The following NPAS3 variants were observed in gnomAD, a reference collection of about 807,000 sequenced individuals.
NPAS3 encodes the protein neuronal PAS domain-containing protein 3.
NPAS3 carries 14 observed loss-of-function variants against 73.1 expected under a neutral mutation model. The observed-to-expected ratio is 0.19, with a 90% CI of 0.13 to 0.30. NPAS3 has a LOEUF of 0.30. Ranked by LOEUF, NPAS3 falls within the 10% of genes least tolerant of loss-of-function variation. NPAS3 has a pLI of 1.00. For synonymous variants in NPAS3, 620 were observed against 541.5 expected, an observed-to-expected ratio of 1.14 and a Z score of -2.01; for missense variants, 1,096 against 1,250.0, an observed-to-expected ratio of 0.88 and a Z score of 1.86.
In NPAS3 at chr14:33,713,391, A is replaced by G. The variant is rs79712533; in HGVS notation, c.734-21823A>G. Among the ~76,000 whole-genome samples, 89 of 152,358 alleles carry G rather than the reference A, an allele frequency of 5.8e-4. No homozygotes were observed. The East Asian group carries it at 0.016, about 27-fold the overall frequency. On this transcript the variant is annotated intron_variant, in intron 6 of 11. Transcript: ENST00000356141. ...CTCACAGCCATGTCCAGATGAAGACAAGGCATGTTTGCTTTTTTGAGGGAG... is the reference window on the plus strand; with the variant it reads ...CTCACAGCCATGTCCAGATGAAGACGAGGCATGTTTGCTTTTTTGAGGGAG...
intron 4 of NPAS3, among the ~76,000 whole-genome samples, chr14:33,403,359 T>G (rs2047527374): frequency 6.6e-6 from 1 of 152,096 alleles, no homozygotes; most frequent in Non-Finnish European, 1.5e-5. Flanking sequence ...GGTATATTTT[T>G]TTATAATCTA....
At chr14:33,321,342 G>A (rs1469134618) in intron 3 of NPAS3, among the ~76,000 whole-genome samples, 1 of 152,068 alleles carries the variant, frequency 6.6e-6, no homozygotes, top group Non-Finnish European at 1.5e-5. Flanking sequence ...ACTATGGGCT[G>A]GGAAACAATG....
At chr14:33,539,856 G>A (rs2054429589) in intron 4 of NPAS3, among the ~76,000 whole-genome samples, 1 of 152,088 alleles carries the variant, frequency 6.6e-6, no homozygotes, top group African/African-American at 2.4e-5. Context: ...TTGTTTGGTT[G>A]CTTGTTTTTT....
intron 5 of NPAS3, among the ~76,000 whole-genome samples, chr14:33,611,820 C>A (rs977300701): frequency 5.3e-5 from 8 of 152,044 alleles, no homozygotes; most frequent in African/African-American, 1.9e-4. Context: ...GATTATCTTA[C>A]TTTTTTGTGA....
At chr14:33,579,141 A>G (rs1323856600) in intron 5 of NPAS3, among the ~76,000 whole-genome samples, 4 of 152,238 alleles carry the variant, frequency 2.6e-5, no homozygotes, top group African/African-American at 9.6e-5. Flanking sequence ...ATCCAGAGCA[A>G]CCAACACCAG....
At chr14:33,708,252 A>G (rs965456354) in intron 6 of NPAS3, among the ~76,000 whole-genome samples, 1 of 152,228 alleles carries the variant, frequency 6.6e-6, no homozygotes, top group African/African-American at 2.4e-5. Context: ...GCACAGTGAT[A>G]GAATAATAGC....
chr14:33,435,802 G>A (rs1387644101), intron 4 of NPAS3, among the ~76,000 whole-genome samples: 2 of 152,082 alleles, frequency 1.3e-5, no homozygotes, highest in African/African-American at 4.8e-5. Flanking sequence ...AATGGCTAAT[G>A]AGTATGATGT....
intron 2 of NPAS3, among the ~76,000 whole-genome samples, chr14:33,206,043 A>G (rs1566675814): frequency 1.3e-5 from 2 of 152,196 alleles, no homozygotes; most frequent in Admixed American, 1.3e-4. Context: ...ATAAGCCTGA[A>G]AATAGGGGTT....
At chr14:32,935,016 G>A (rs1484714259), upstream of NPAS3, 9 of 1,301,706 alleles carry the variant, frequency 6.9e-6, no homozygotes, top group South Asian at 2.3e-5. Context: ...GAGTAGTCCC[G>A]CCTGGGCTGG....
chr14:33,294,612 G>A (rs540731742), intron 3 of NPAS3, among the ~76,000 whole-genome samples: 2 of 152,182 alleles, frequency 1.3e-5, no homozygotes, highest in South Asian at 4.2e-4. Flanking sequence ...TTAGTATTGT[G>A]TGATCAGCAT....
chr14:33,527,821 G>T (rs2053869580), intron 4 of NPAS3, among the ~76,000 whole-genome samples: 1 of 152,022 alleles, frequency 6.6e-6, no homozygotes, highest in Non-Finnish European at 1.5e-5. Context: ...AACAACGCTG[G>T]GTTTTAAGGG....
intron 4 of NPAS3, among the ~76,000 whole-genome samples, chr14:33,413,498 A>G (rs1428094038): frequency 6.6e-6 from 1 of 152,032 alleles, no homozygotes; most frequent in African/African-American, 2.4e-5. Context: ...TTTGAATATA[A>G]AGGCCCAGAG....
chr14:33,102,927 T>G (rs2042618252), intron 2 of NPAS3, among the ~76,000 whole-genome samples: 1 of 152,124 alleles, frequency 6.6e-6, no homozygotes, highest in African/African-American at 2.4e-5. Context: ...AACACAAGGG[T>G]TTTTTTGCAT....
Position 33,659,773 on chromosome 14 carries a change from G to C in NPAS3, c.559-16438G>C, listed in dbSNP as rs1395515038. On this transcript the variant is annotated intron_variant, in intron 5 of 11. Coordinates refer to ENST00000356141, the Ensembl canonical transcript of NPAS3. Reference sequence around the variant, plus strand: ...GCATTAGAGTGATAATGACTCATTAGTGACTTGAAATTGGGATTCTGTTGC... The same window carrying C: ...GCATTAGAGTGATAATGACTCATTACTGACTTGAAATTGGGATTCTGTTGC... 3.3e-5 allele frequency among the ~76,000 whole-genome samples: 5 copies of C among 152,072 alleles called. No individual in the cohort carries two copies. In the East Asian group the frequency reaches 9.6e-4, roughly 29 times the overall value.
rs1320050380 is a variant in NPAS3 at position 33,030,531 on chromosome 14, C to T, written c.51-25374C>T. On this transcript the variant is annotated intron_variant, in intron 1 of 11. Coordinates refer to ENST00000356141, the Ensembl canonical transcript of NPAS3. ...CAGCTAGCTGGCTTTTAAAATTGAT[C>T]AGGAAGTATTCTGGCAGTCATTCAG... 1.1e-4 allele frequency among the ~76,000 whole-genome samples: 16 copies of T among 152,182 alleles called. No individual in the cohort carries two copies. In the East Asian group the frequency reaches 2.1e-3, roughly 20 times the overall value.
intron 5 of NPAS3, among the ~76,000 whole-genome samples, chr14:33,564,662 G>A (rs1044501079): frequency 2.0e-5 from 3 of 152,094 alleles, no homozygotes; most frequent in Non-Finnish European, 2.9e-5. Flanking sequence ...TCACATTATC[G>A]TTGCCAGAGG....
chr14:33,727,758 A>T (rs1254075040), intron 6 of NPAS3, among the ~76,000 whole-genome samples: 1 of 152,172 alleles, frequency 6.6e-6, no homozygotes, highest in Non-Finnish European at 1.5e-5. Flanking sequence ...GCCACACTCG[A>T]TCCCATATGC....
chr14:33,761,128 G>A (rs1250623745), intron 7 of NPAS3, among the ~76,000 whole-genome samples: 1 of 152,098 alleles, frequency 6.6e-6, no homozygotes, highest in Non-Finnish European at 1.5e-5. Flanking sequence ...TACTACAGGG[G>A]AATATTTGTC....
intron 4 of NPAS3, among the ~76,000 whole-genome samples, chr14:33,464,359 A>C (rs891116178): frequency 1.3e-5 from 2 of 152,144 alleles, no homozygotes; most frequent in African/African-American, 4.8e-5. Context: ...TCATGGTAAC[A>C]GTAAGGGCTG....
Sources: gnomAD v4.1 joint callset for allele counts (sites outside exome capture counted in the v4.1 genomes callset) on GRCh38, gnomAD v4.1.1 for gene constraint, MANE v1.5 for transcripts, NCBI Gene and HGNC (gene_info 2026-07-23, HGNC 2026-07-21) for gene names.